SMARCC2: variants seen among roughly 807,000 people sequenced by gnomAD.
SMARCC2 encodes SWI/SNF related BAF chromatin remodeling complex subunit C2, also known as SWI/SNF complex subunit SMARCC2.
Under a neutral mutation model 151.3 loss-of-function variants are expected in SMARCC2, and 15 were observed. The observed-to-expected ratio is 0.10, with a 90% confidence interval of 0.07 to 0.15. The LOEUF (loss-of-function observed/expected upper bound fraction) is 0.15. SMARCC2 is among the 10% of genes least tolerant of loss of function. SMARCC2 has a pLI of 1.00. For synonymous variants in SMARCC2, 590 were observed against 609.5 expected (o/e 0.97, Z 0.47); for missense variants, 1,031 against 1,599.7 (o/e 0.64, Z 6.06).
At chr12:56,170,268 A>T in intron 22 of SMARCC2, 60 bp from the exon 23 acceptor site, 2 of 1,354,028 alleles carry the variant, frequency 1.5e-6, no homozygotes, top group Non-Finnish European at 2.0e-6. Context: ...GTCTGTGTCT[A>T]ACACTTTTCT....
rs749365797 is a variant in SMARCC2 at position 56,179,006 on chromosome 12, T to C, written c.1132A>G (p.Thr378Ala). 1.2e-6 allele frequency: 2 copies of C among 1,614,138 alleles called. No individual in the cohort carries two copies. Among genetic ancestry groups the C allele is most frequent in the Non-Finnish European group, 8.5e-7 (1 of 1,180,008 alleles). The stretch of plus-strand genomic sequence containing the variant: ...GAGGCTCCTGTCTTACCCAGGTCGG[T>C]CATGGTGCCGCCTTTGACTGGGGCC... Reference protein sequence around the residue: ...ESAPVKGGTMTDLDEQEDESM... With the variant: ...ESAPVKGGTMADLDEQEDESM... The change falls in exon 12 of 29, where the codon ACC becomes GCC. Residue 378 changes from threonine (T) to alanine (A), a missense_variant. Thr to Ala is a moderately conservative substitution (Grantham distance 58). Coordinates refer to ENST00000550164, the MANE Select transcript of SMARCC2 (RefSeq NM_001330288.2).
intron 26 of SMARCC2, among the ~76,000 whole-genome samples, chr12:56,166,613 A>G (rs1592275770): frequency 7.4e-6 from 1 of 135,780 alleles, no homozygotes; most frequent in African/African-American, 2.7e-5. Flanking sequence ...TTTTTGAGAT[A>G]GGGTCTCACT....
intron 16 of SMARCC2, 53 bp from the exon 17 acceptor site, chr12:56,173,902 G>C: frequency 6.5e-7 from 1 of 1,533,674 alleles, no homozygotes; most frequent in Non-Finnish European, 8.9e-7. Flanking sequence ...AAAGGTGCAC[G>C]AGGAAGAGGA....
intron 3 of SMARCC2, chr12:56,185,432 C>T: frequency 3.6e-6 from 1 of 278,976 alleles, no homozygotes; most frequent in South Asian, 3.6e-5. Context: ...ATCCACCTGC[C>T]TCGGCCTCCC....
intron 15 of SMARCC2, among the ~76,000 whole-genome samples, chr12:56,176,515 T>C (rs1184537996): frequency 6.6e-6 from 1 of 152,194 alleles, no homozygotes; most frequent in Non-Finnish European, 1.5e-5. Context: ...TCTTGCTCTG[T>C]CGCCCAGGCT....
Position 56,165,565 on chromosome 12 carries a change from G to T in SMARCC2, c.2985C>A (p.Ala995=). The part of the protein sequence containing the change: ...MHQQQQQPPP[A]LPPGSQPIPP... ...GGATAGGCTGGGAGCCTGGGGGCAG[G>T]GCTGGTGGTGGCTGCTGCTGCTGTT... The change falls in exon 27 of 29, where the codon GCC becomes GCA. Residue 995 remains alanine, a synonymous_variant. Transcript: ENST00000550164. 6.2e-7 allele frequency: 1 copy of T among 1,613,356 alleles called. No individual in the cohort carries two copies.
At position 56,181,835 on chromosome 12, in the gene SMARCC2, C is replaced by A; in HGVS notation, c.709G>T (p.Val237Phe). 6.2e-7 allele frequency: 1 copy of A among 1,614,056 alleles called. No individual in the cohort carries two copies. Among genetic ancestry groups the A allele is most frequent in the Non-Finnish European group, 8.5e-7 (1 of 1,179,990 alleles). ...GTGTCCAGGATCCACTTTGCATGAA[C>A]CTAAAGTACAAAGGCAGATCATGCT... ...DAPTPEKPRK[V>F]HAKWILDTDT... Residue 237 changes from valine to phenylalanine, a missense_variant and splice_region_variant, in exon 9 of 29, where the codon GTT becomes TTT. Val to Phe is a conservative substitution (Grantham distance 50). Around this residue, in one of 12 missense-constraint regions of SMARCC2, gnomAD observed 123 missense variants for 190.4 expected, o/e 0.65. Coordinates refer to ENST00000550164, the MANE Select transcript of SMARCC2 (RefSeq NM_001330288.2).
chr12:56,167,949 G>A, intron 26 of SMARCC2, 111 bp downstream of exon 26: 1 of 959,238 alleles, frequency 1.0e-6, no homozygotes, highest in East Asian at 3.1e-5. Context: ...CTCTTTCACT[G>A]AAACACACAC....
chr12:56,165,166 C>G (rs757432338), intron 27 of SMARCC2, 152 bp downstream of exon 27: 9 of 983,214 alleles, frequency 9.2e-6, no homozygotes, highest in Non-Finnish European at 1.1e-5. Flanking sequence ...GGGAAGGACT[C>G]CTGCTGATTT....
chr12:56,168,259 A>AG (rs1409360343), intron 25 of SMARCC2, 65 bp from the exon 26 acceptor site: 1 of 1,585,802 alleles, frequency 6.3e-7, no homozygotes, highest in African/African-American at 1.3e-5. Context: ...TACAGAAGAA[A>AG]GGTAGGGTGG....
At chr12:56,189,316 C>T in intron 1 of SMARCC2, 35 bp downstream of exon 1, 1 of 1,364,104 alleles carries the variant, frequency 7.3e-7, no homozygotes, top group Middle Eastern at 1.9e-4. Context: ...TTGTCCCGCC[C>T]CCGGTCCCCG....
chr12:56,178,719 G>T, intron 13 of SMARCC2, 91 bp downstream of exon 13: 1 of 1,489,172 alleles, frequency 6.7e-7, no homozygotes, highest in Non-Finnish European at 9.4e-7. Context: ...AGTGGGTAAA[G>T]TCTGGGCAGT....
chr12:56,174,546 T>C (rs1047821243), intron 16 of SMARCC2, 105 bp downstream of exon 16: 1 of 734,140 alleles, frequency 1.4e-6, no homozygotes. Context: ...GGTGCTTTTT[T>C]CTGTCTGCTC....
chr12:56,182,221 G>C, intron 7 of SMARCC2, 142 bp from the exon 8 acceptor site: 1 of 559,864 alleles, frequency 1.8e-6, no homozygotes, highest in Non-Finnish European at 3.2e-6. Context: ...TTATAAAGTA[G>C]TAAAAGCACA....
intron 22 of SMARCC2, among the ~76,000 whole-genome samples, chr12:56,170,499 C>T (rs575456497): frequency 2.8e-4 from 42 of 152,204 alleles, no homozygotes; most frequent in Non-Finnish European, 4.4e-5. Context: ...AATCATGGCT[C>T]ACTGCAGCCT....
rs567436391 is a variant in SMARCC2 at position 56,165,308 on chromosome 12, T to C, written c.3232+10A>G. The C allele has an allele frequency of 1.3e-4, 191 of 1,486,704 alleles. No homozygotes were observed. Among genetic ancestry groups the C allele is most frequent in the Non-Finnish European group, 1.6e-4 (176 of 1,123,020 alleles). The allele number at this position is 1,486,704 out of a possible 1,614,324, so 92.1% of individuals were successfully genotyped here. A position where few individuals can be genotyped will look rare whatever the true frequency, so the allele number is the denominator to read the frequency against. On this transcript the variant is annotated intron_variant, in intron 27 of 28. Transcript: ENST00000550164. ...TCTAGCCAACAAAAGTTCTGGAACATAACACTTACCATGGGGTCCAGGGGG... is the reference window on the plus strand; with the variant it reads ...TCTAGCCAACAAAAGTTCTGGAACACAACACTTACCATGGGGTCCAGGGGG...
intron 13 of SMARCC2, 73 bp from the exon 14 acceptor site, chr12:56,178,607 C>G: frequency 6.2e-7 from 1 of 1,600,200 alleles, no homozygotes; most frequent in Non-Finnish European, 8.6e-7. Context: ...TCTCCCACAC[C>G]CCAGGAATGT....
chr12:56,169,432 T>G, intron 25 of SMARCC2, 97 bp downstream of exon 25: 6 of 1,364,088 alleles, frequency 4.4e-6, no homozygotes, highest in Non-Finnish European at 6.1e-6. Flanking sequence ...TAGGTCAGCA[T>G]TATTTAAGGT....
In SMARCC2 at chr12:56,170,273, TTTTC is replaced by T. The variant is rs878969424; in HGVS notation, c.2348-69_2348-66del. 8 of 85,794 alleles carry T rather than the reference TTTTC, an allele frequency of 9.3e-5. No individual in the cohort carries two copies. The South Asian group carries it at 3.5e-3, about 38-fold the overall frequency. The allele number at this position is 85,794 out of a possible 1,614,324, so 5.3% of individuals were successfully genotyped here. A position where few individuals can be genotyped will look rare whatever the true frequency, so the allele number is the denominator to read the frequency against. ...ATACACAGTCGTCTGTGTCTAACAC[TTTTC>T]TTTTTTTTTAGAGACAGGGTCTTGC... is the stretch of plus-strand genomic sequence containing the variant. On this transcript the variant is annotated intron_variant, in intron 22 of 28. Coordinates refer to ENST00000550164, the MANE Select transcript of SMARCC2 (RefSeq NM_001330288.2).
Sources: gnomAD v4.1 joint callset for allele counts (sites outside exome capture counted in the v4.1 genomes callset) on GRCh38, gnomAD v4.1.1 for gene constraint, gnomAD v4.1.1 regional missense constraint, MANE v1.5 for transcripts, NCBI Gene and HGNC (gene_info 2026-07-23, HGNC 2026-07-21) for gene names.